EPB41L4A: variants seen among roughly 807,000 people sequenced by gnomAD.
The protein encoded by EPB41L4A is band 4.1-like protein 4A.
A neutral mutation model predicts 108.6 loss-of-function variants in EPB41L4A; 100 were observed. That is an observed-to-expected ratio of 0.92 (90% CI 0.78 to 1.09). The LOEUF (loss-of-function observed/expected upper bound fraction) is 1.09, where lower values mean the gene tolerates loss of function less well. Ranked by LOEUF, EPB41L4A falls within the 50% of genes least tolerant of loss-of-function variation. EPB41L4A has a pLI of 0.00. For missense variants in EPB41L4A, 1,030 were observed against 842.7 expected, an observed-to-expected ratio of 1.22 and a Z score of -2.75; for synonymous variants, 319 against 289.0, an observed-to-expected ratio of 1.10 and a Z score of -1.05.
At chr5:112,348,765 A>T in intron 1 of EPB41L4A, among the ~76,000 whole-genome samples, 1 of 152,206 alleles carries the variant, frequency 6.6e-6, no homozygotes, top group East Asian at 1.9e-4. Context: ...TGCAAATCAA[A>T]ACTGTGTTTC....
chr5:112,314,505 TAAAAAAAAAAAA>T (rs552428109), intron 1 of EPB41L4A, among the ~76,000 whole-genome samples: 269 of 55,192 alleles, frequency 4.9e-3, no homozygotes, highest in East Asian at 0.024. Flanking sequence ...CCATCGCTAC[TAAAAAAAAAAAA>T]AAAAAAAAAA....
At chr5:112,240,493 CAA>C (rs1321197872) in intron 10 of EPB41L4A, among the ~76,000 whole-genome samples, 4 of 152,060 alleles carry the variant, frequency 2.6e-5, no homozygotes, top group Non-Finnish European at 5.9e-5. Context: ...CTTGCAGTAT[CAA>C]AGATATAACT....
chr5:112,165,128 A>ATC lies in EPB41L4A; in HGVS notation c.1933-11_1933-10insGA. ...TAGACCCATTTCTTCTCTAAAATATATTTGAAAAATGTAGAAAGATTCAGA... is the reference window on the plus strand; with the variant it reads ...TAGACCCATTTCTTCTCTAAAATATATCTTTGAAAAATGTAGAAAGATTCAGA... On this transcript the variant is annotated splice_polypyrimidine_tract_variant and intron_variant, in intron 22 of 22. Coordinates refer to ENST00000261486, the MANE Select transcript of EPB41L4A (RefSeq NM_022140.5). The ATC allele has an allele frequency of 1.4e-5, 22 of 1,585,274 alleles. No individual in the cohort carries two copies. The highest frequency in any genetic ancestry group is 1.9e-5 in the Non-Finnish European group (22 of 1,160,026).
chr5:112,223,879 A>ATTTTTT (rs1554080489), intron 12 of EPB41L4A, among the ~76,000 whole-genome samples: 1 of 151,736 alleles, frequency 6.6e-6, no homozygotes. Context: ...CTAAAAGAAT[A>ATTTTTT]ATTTTTAAAC....
chr5:112,359,544 C>CT (rs5870498), intron 1 of EPB41L4A, among the ~76,000 whole-genome samples: 26,726 of 146,330 alleles, frequency 0.18, 2,702 homozygotes, highest in Non-Finnish European at 0.23. Context: ...TGAAAGTCTT[C>CT]TTTTTTTTTT....
At chr5:112,188,932 A>T (rs1761554746) in intron 17 of EPB41L4A, among the ~76,000 whole-genome samples, 1 of 152,226 alleles carries the variant, frequency 6.6e-6, no homozygotes. Context: ...CCCTAGTCAG[A>T]TATATTGTCC....
chr5:112,231,791 CAAAAAAAA>C (rs777370941), intron 12 of EPB41L4A, among the ~76,000 whole-genome samples: 1 of 37,618 alleles, frequency 2.7e-5, no homozygotes, highest in Admixed American at 3.7e-4. Flanking sequence ...GACTCCGTCT[CAAAAAAAA>C]AAAAAAAAAA....
At chr5:112,178,503 ATTAT>A (rs1264527484) in intron 18 of EPB41L4A, among the ~76,000 whole-genome samples, 1 of 152,142 alleles carries the variant, frequency 6.6e-6, no homozygotes, top group Non-Finnish European at 1.5e-5. Flanking sequence ...GAGTCTACAG[ATTAT>A]TCATCATTAA....
At chr5:112,299,161 C>T (rs187858126) in intron 2 of EPB41L4A, among the ~76,000 whole-genome samples, 1 of 151,912 alleles carries the variant, frequency 6.6e-6, no homozygotes, top group Non-Finnish European at 1.5e-5. Flanking sequence ...CTGCTCTGAC[C>T]TTGGTTATTT....
chr5:112,391,151 T>C (rs1197966615), intron 1 of EPB41L4A, among the ~76,000 whole-genome samples: 1 of 152,066 alleles, frequency 6.6e-6, no homozygotes, highest in East Asian at 1.9e-4. Context: ...TTCTAAAAAC[T>C]AGAGCGCCTC....
At chr5:112,179,499 T>C (rs1273489171) in intron 18 of EPB41L4A, among the ~76,000 whole-genome samples, 1 of 152,150 alleles carries the variant, frequency 6.6e-6, no homozygotes, top group African/African-American at 2.4e-5. Context: ...AAGGGGCTTA[T>C]GCTAGGAATG....
At chr5:112,365,021 C>T (rs1759035538) in intron 1 of EPB41L4A, among the ~76,000 whole-genome samples, 1 of 152,058 alleles carries the variant, frequency 6.6e-6, no homozygotes, top group Non-Finnish European at 1.5e-5. Flanking sequence ...TTCTCAGTTG[C>T]CAAGAACCTT....
At chr5:112,277,674 C>T (rs1752702473) in intron 3 of EPB41L4A, among the ~76,000 whole-genome samples, 1 of 152,152 alleles carries the variant, frequency 6.6e-6, no homozygotes, top group African/African-American at 2.4e-5. Flanking sequence ...TATACAGCTT[C>T]TCAGGGAAAT....
At chr5:112,254,693 C>A (rs1205617400) in intron 9 of EPB41L4A, among the ~76,000 whole-genome samples, 1 of 152,100 alleles carries the variant, frequency 6.6e-6, no homozygotes, top group Non-Finnish European at 1.5e-5. Context: ...GAAACCCAAT[C>A]CTCACTCCCT....
intron 1 of EPB41L4A, among the ~76,000 whole-genome samples, chr5:112,360,395 T>C (rs1758643679): frequency 6.6e-6 from 1 of 152,244 alleles, no homozygotes; most frequent in African/African-American, 2.4e-5. Flanking sequence ...TGCCTCAGCC[T>C]GCCCAGTGCC....
chr5:112,168,962 A>T (rs777490218), intron 21 of EPB41L4A, 33 bp downstream of exon 21: 3 of 1,544,442 alleles, frequency 1.9e-6, no homozygotes, highest in Non-Finnish European at 2.7e-6. Context: ...TGGAGCCATG[A>T]TGGTGATGGT....
intron 1 of EPB41L4A, among the ~76,000 whole-genome samples, chr5:112,340,585 A>G (rs1021783680): frequency 6.6e-6 from 1 of 152,234 alleles, no homozygotes; most frequent in Non-Finnish European, 1.5e-5. Flanking sequence ...TAAAGACTAA[A>G]TAGCAATAAA....
intron 1 of EPB41L4A, among the ~76,000 whole-genome samples, chr5:112,360,527 G>A (rs968496969): frequency 2.0e-5 from 3 of 152,146 alleles, no homozygotes; most frequent in Admixed American, 6.5e-5. Context: ...TGCCAGCCTC[G>A]GCCTCCCGAG....
intron 1 of EPB41L4A, among the ~76,000 whole-genome samples, chr5:112,390,228 AAAGCAG>A (rs1760845040): frequency 6.6e-6 from 1 of 152,198 alleles, no homozygotes; most frequent in South Asian, 2.1e-4. Flanking sequence ...AGGGTGAGCC[AAAGCAG>A]GGCGGGGCAT....
Sources: allele counts gnomAD v4.1 joint callset (sites outside exome capture counted in the v4.1 genomes callset), GRCh38; gene constraint gnomAD v4.1.1; transcripts MANE v1.5; gene names NCBI Gene and HGNC (gene_info 2026-07-23, HGNC 2026-07-21).